The following DSE variants were observed in gnomAD, a reference collection of about 807,000 sequenced individuals.
DSE encodes the protein dermatan-sulfate epimerase.
Under a neutral mutation model 84.4 loss-of-function variants are expected in DSE, and 36 were observed. The ratio of observed to expected loss-of-function variants is 0.43; its 90% confidence interval spans 0.33 to 0.56. The LOEUF is 0.56. DSE is among the 20% of genes least tolerant of loss of function. The pLI is 0.06. For synonymous variants in DSE, 410 were observed against 430.1 expected (o/e 0.95, Z 0.58); for missense variants, 862 against 1,169.6 (o/e 0.74, Z 3.84).
At chr6:116,410,224 A>G (rs1782229775) in intron 2 of DSE, among the ~76,000 whole-genome samples, 1 of 152,200 alleles carries the variant, frequency 6.6e-6, no homozygotes, top group Non-Finnish European at 1.5e-5. Flanking sequence ...TAAGTACAAC[A>G]CAGGTCAAGA....
At chr6:116,287,544 C>A (rs920402095) in intron 2 of DSE, among the ~76,000 whole-genome samples, 5 of 151,974 alleles carry the variant, frequency 3.3e-5, no homozygotes, top group Non-Finnish European at 5.9e-5. Flanking sequence ...AGATGAAATA[C>A]CATAATTTCC....
chr6:116,401,141 A>T (rs1583175519), intron 2 of DSE: 1 of 152,204 alleles, frequency 6.6e-6, no homozygotes, highest in Non-Finnish European at 1.5e-5. Context: ...ATACAGTAAC[A>T]TGAGAATTGT....
At chr6:116,408,494 G>T (rs898516770) in intron 2 of DSE, among the ~76,000 whole-genome samples, 9 of 152,186 alleles carry the variant, frequency 5.9e-5, no homozygotes, top group African/African-American at 1.7e-4. Flanking sequence ...TTTATTGAGA[G>T]TCTAAGCTTA....
upstream of DSE, among the ~76,000 whole-genome samples, chr6:116,365,444 G>A (rs1020386815): frequency 3.3e-5 from 5 of 151,884 alleles, no homozygotes; most frequent in African/African-American, 4.8e-5. Context: ...TAGTAGAGAC[G>A]GGGTTTCACC....
intron 2 of DSE, among the ~76,000 whole-genome samples, chr6:116,302,364 A>C (rs1775090759): frequency 6.6e-6 from 1 of 151,968 alleles, no homozygotes; most frequent in Admixed American, 6.6e-5. Flanking sequence ...TGTGGTTTTG[A>C]TTTGCATTTC....
intron 2 of DSE, chr6:116,280,003 G>T: frequency 1.1e-6 from 1 of 885,234 alleles, no homozygotes; most frequent in South Asian, 1.5e-5. Flanking sequence ...CCCGGGATTG[G>T]TTCCGCCGCT....
At chr6:116,341,761 A>G (rs1318451577) in intron 2 of DSE, among the ~76,000 whole-genome samples, 2 of 152,182 alleles carry the variant, frequency 1.3e-5, no homozygotes, top group Admixed American at 6.5e-5. Context: ...TCCTTTCCCC[A>G]TTTCTTATTT....
At position 116,426,798 on chromosome 6, in the gene DSE, T is replaced by G; in HGVS notation, c.641T>G (p.Leu214Arg). 1 of 1,614,058 alleles carries G rather than the reference T, an allele frequency of 6.2e-7. No individual in the cohort carries two copies. The highest frequency in any genetic ancestry group is 8.5e-7 in the Non-Finnish European group (1 of 1,179,952). The change falls in exon 3 of 6, where the codon CTC becomes CGC. Residue 214 changes from leucine (L) to arginine (R), a missense_variant. Leu to Arg is a moderately radical substitution (Grantham distance 102). Coordinates refer to ENST00000644252, the MANE Select transcript of DSE (RefSeq NM_013352.4). ...NHQPTNCMAL[L>R]TGSLVLMNQG... ...CAGCCCACCAACTGTATGGCTTTGC[T>G]CACGGGAAGCCTAGTCCTGATGAAT...
intron 2 of DSE, among the ~76,000 whole-genome samples, chr6:116,417,084 G>T (rs1028446850): frequency 6.6e-6 from 1 of 152,104 alleles, no homozygotes; most frequent in African/African-American, 2.4e-5. Flanking sequence ...ATTTTTAACC[G>T]TAGTCTTTAA....
chr6:116,433,771 G>A (rs1783987899), intron 5 of DSE, among the ~76,000 whole-genome samples: 1 of 152,064 alleles, frequency 6.6e-6, no homozygotes, highest in South Asian at 2.1e-4. Context: ...TTTAGATACA[G>A]GGGTACATGT....
intron 2 of DSE, among the ~76,000 whole-genome samples, chr6:116,364,902 C>T (rs1170604218): frequency 2.8e-5 from 4 of 142,388 alleles, no homozygotes; most frequent in Admixed American, 1.4e-4. Context: ...GGTGTGATCT[C>T]GGCTCACTGC....
intron 1 of DSE, among the ~76,000 whole-genome samples, chr6:116,394,437 GA>G (rs1400269394): frequency 8.3e-5 from 11 of 132,152 alleles, no homozygotes; most frequent in Non-Finnish European, 1.8e-4. Context: ...GTAACAGCGT[GA>G]TTTTTTTTTT....
At chr6:116,303,066 A>G (rs192494829) in intron 2 of DSE, among the ~76,000 whole-genome samples, 12 of 151,914 alleles carry the variant, frequency 7.9e-5, no homozygotes, top group Non-Finnish European at 1.8e-4. Flanking sequence ...AATTCGTCCA[A>G]TGTGCTCTCT....
chr6:116,426,023 G>A (rs565727789), intron 2 of DSE, among the ~76,000 whole-genome samples: 7 of 152,320 alleles, frequency 4.6e-5, no homozygotes, highest in South Asian at 2.1e-4. Flanking sequence ...TCCCACTCAC[G>A]TTTGCCACGC....
chr6:116,330,862 A>G (rs955875398), intron 2 of DSE, among the ~76,000 whole-genome samples: 1 of 152,190 alleles, frequency 6.6e-6, no homozygotes, highest in Middle Eastern at 3.2e-3. Context: ...ATTGCAGGCA[A>G]CCTCAATCAT....
chr6:116,412,140 C>CA (rs1182953585), intron 2 of DSE, among the ~76,000 whole-genome samples: 19 of 151,994 alleles, frequency 1.3e-4, no homozygotes, highest in Admixed American at 4.6e-4. Context: ...ATTCCCAGGA[C>CA]AAAAAATAAA....
intron 2 of DSE, among the ~76,000 whole-genome samples, chr6:116,348,344 G>A (rs574538829): frequency 2.4e-4 from 36 of 151,960 alleles, no homozygotes; most frequent in African/African-American, 4.8e-4. Context: ...AGAGAATGGC[G>A]TGAACCTGGG....
intron 1 of DSE, among the ~76,000 whole-genome samples, chr6:116,385,147 A>T (rs1780503326): frequency 6.6e-6 from 1 of 152,216 alleles, no homozygotes; most frequent in East Asian, 1.9e-4. Flanking sequence ...ATAGAGGCCA[A>T]CATGGCTGGA....
In DSE at chr6:116,436,558, A is replaced by G. The variant is rs370594290; in HGVS notation, c.2090A>G (p.Tyr697Cys). 9.3e-6 allele frequency: 15 copies of G among 1,614,098 alleles called. No individual in the cohort carries two copies. Among genetic ancestry groups the G allele is most frequent in the Non-Finnish European group, 1.3e-5 (15 of 1,180,008 alleles). ...ACCAGCAAACATGCCTACGCCACAT[A>G]CCTGTGGACAGGTGAGGCCACAGGA... ...IATSKHAYAT[Y>C]LWTGEATGQS... Residue 697 changes from tyrosine (Y) to cysteine (C), a missense_variant, in exon 6 of 6, where the codon TAC becomes TGC. By Grantham distance (194) the Tyr-to-Cys change is radical. Around this residue, in one of 4 missense-constraint regions of DSE, gnomAD observed 315 missense variants for 348.1 expected, o/e 0.90. Coordinates refer to ENST00000644252, the MANE Select transcript of DSE (RefSeq NM_013352.4).
Sources: allele counts gnomAD v4.1 joint callset (sites outside exome capture counted in the v4.1 genomes callset), GRCh38; gene constraint gnomAD v4.1.1; regional missense constraint gnomAD v4.1.1; transcripts MANE v1.5; gene names NCBI Gene and HGNC (gene_info 2026-07-23, HGNC 2026-07-21).